The following TBX21 variants were observed in gnomAD, a reference collection of about 807,000 sequenced individuals.
TBX21 encodes the protein T-box transcription factor 21, also known as T-box transcription factor TBX21.
Under a neutral mutation model 52.2 loss-of-function variants are expected in TBX21, and 11 were observed. The ratio of observed to expected loss-of-function variants is 0.21; its 90% CI spans 0.13 to 0.35. The LOEUF is 0.35. Ranked by LOEUF, TBX21 falls within the 10% of genes least tolerant of loss-of-function variation. The pLI, the probability that TBX21 is intolerant of heterozygous loss-of-function variation, is 1.00. For synonymous variants in TBX21, 300 were observed against 316.1 expected (o/e 0.95, Z 0.54); for missense variants, 625 against 755.1 (o/e 0.83, Z 2.02).
At position 47,744,270 on chromosome 17, in the gene TBX21, G is replaced by A. The variant is rs1359510070; in HGVS notation, c.844G>A (p.Ala282Thr). The A allele has an allele frequency of 4.3e-6, 7 of 1,614,232 alleles. No individual in the cohort carries two copies. Among genetic ancestry groups the A allele is most frequent in the South Asian group, 3.3e-5 (3 of 91,090 alleles). Reference protein sequence around the residue: ...IVEVNDGEPEAACNASNTHIF... With the variant: ...IVEVNDGEPETACNASNTHIF... ...TGAGGTGAACGACGGAGAGCCAGAGGCAGCCTGCAACGCTTCCAACACGCA... is the reference window on the plus strand; with the variant it reads ...TGAGGTGAACGACGGAGAGCCAGAGACAGCCTGCAACGCTTCCAACACGCA... Residue 282 changes from alanine (A) to threonine (T), a missense_variant, in exon 4 of 6, where the codon GCA becomes ACA. By Grantham distance (58) the Ala-to-Thr change is moderately conservative. This residue lies in a region of TBX21 where 142 missense variants were observed against 258.5 expected (regional missense o/e 0.55). Transcript: ENST00000177694.
intron 3 of TBX21, 60 bp downstream of exon 3, chr17:47,743,252 C>T: frequency 1.3e-6 from 2 of 1,599,578 alleles, no homozygotes; most frequent in Non-Finnish European, 1.7e-6. Context: ...TCTGAGACCT[C>T]CAAGGCCACA....
At chr17:47,743,506 G>A (rs76275576) in intron 3 of TBX21, among the ~76,000 whole-genome samples, 1,555 of 152,240 alleles carry the variant, frequency 0.01, 23 homozygotes, top group African/African-American at 0.036. Context: ...CCATTGCTCC[G>A]GCACCATGAA....
At position 47,733,892 on chromosome 17, in the gene TBX21, G is replaced by A; in HGVS notation, c.438G>A (p.Leu146=). The A allele has an allele frequency of 6.2e-7, 1 of 1,613,708 alleles. No homozygotes were observed. Among genetic ancestry groups the A allele is most frequent in the Non-Finnish European group, 8.5e-7 (1 of 1,179,920 alleles). The change falls in exon 1 of 6, where the codon TTG becomes TTA. Residue 146 remains leucine, a synonymous_variant. Coordinates refer to ENST00000177694, the MANE Select transcript of TBX21 (RefSeq NM_013351.2). The surrounding 1 kb of genome is among the most constrained non-coding windows in gnomAD (Gnocchi z 6.6). ...KLRVALNNHL[L]WSKFNQHQTE... The stretch of plus-strand genomic sequence containing the variant: ...GGGTCGCGCTCAACAACCACCTGTT[G>A]TGGTCCAAGTTTAATCAGCACCAGA...
chr17:47,745,528 C>A lies in TBX21; in HGVS notation c.*162C>A. 3.0e-6 allele frequency: 3 copies of A among 993,656 alleles called. No homozygotes were observed. The highest frequency in any genetic ancestry group is 4.3e-6 in the Non-Finnish European group (3 of 701,752). The allele number at this position is 993,656 out of a possible 1,614,324, so 61.6% of individuals were successfully genotyped here. A position where few individuals can be genotyped will look rare whatever the true frequency, so the allele number is the denominator to read the frequency against. Reference sequence around the variant, plus strand: ...GGGGCTCAAGAAGGATTTTGGGGTTCACCAGATGCTTCCTGGCCCACGATG... The same window carrying A: ...GGGGCTCAAGAAGGATTTTGGGGTTAACCAGATGCTTCCTGGCCCACGATG... On this transcript the variant is annotated 3_prime_UTR_variant, in exon 6 of 6. Transcript: ENST00000177694.
chr17:47,733,417 G>A lies in TBX21; in HGVS notation c.-38G>A, dbSNP rs1240196664. 1.2e-5 allele frequency: 18 copies of A among 1,457,428 alleles called. No individual in the cohort carries two copies. The Admixed American group carries it at 4.9e-4, about 40-fold the overall frequency. 90.3% of individuals were successfully genotyped at this position (1,457,428 alleles called of 1,614,324 possible). ...GACCCTCTCGCGCGCGGAGGGGCGG[G>A]TCCTCGACGGCTACGGGAAGGTGCC... On this transcript the variant is annotated 5_prime_UTR_variant, in exon 1 of 6. Transcript: ENST00000177694. This position sits in a 1 kb window ranked among gnomAD's most constrained non-coding sequence, Gnocchi z 6.6.
chr17:47,739,330 A>G (rs1035382364), intron 1 of TBX21, among the ~76,000 whole-genome samples: 2 of 152,050 alleles, frequency 1.3e-5, no homozygotes, highest in African/African-American at 4.8e-5. Context: ...TAGTGATAAA[A>G]ACAGGATGAG....
chr17:47,733,552 A>G lies in TBX21; in HGVS notation c.98A>G (p.His33Arg). ...EGRAPGADPQ[H>R]RYFYPEPGAQ... Reference sequence around the variant, plus strand: ...CGGGCGCCTGGCGCCGACCCGCAGCACCGCTACTTCTACCCGGAGCCGGGC... The same window carrying G: ...CGGGCGCCTGGCGCCGACCCGCAGCGCCGCTACTTCTACCCGGAGCCGGGC... Residue 33 changes from histidine to arginine, a missense_variant, in exon 1 of 6, where the codon CAC (histidine) becomes CGC (arginine). Physicochemically the swap from His to Arg is conservative, Grantham distance 29. Coordinates refer to ENST00000177694, the MANE Select transcript of TBX21 (RefSeq NM_013351.2). This position sits in a 1 kb window ranked among gnomAD's most constrained non-coding sequence, Gnocchi z 6.6. 2 of 1,487,762 alleles carry G rather than the reference A, an allele frequency of 1.3e-6. No individual in the cohort carries two copies. The highest frequency in any genetic ancestry group is 2.9e-5 in the East Asian group (1 of 34,014). The allele number at this position is 1,487,762 out of a possible 1,614,324, so 92.2% of individuals were successfully genotyped here. A position where few individuals can be genotyped will look rare whatever the true frequency, so the allele number is the denominator to read the frequency against.
chr17:47,733,586 C>G lies in TBX21; in HGVS notation c.132C>G (p.Asp44Glu). The G allele has an allele frequency of 6.9e-7, 1 of 1,459,770 alleles. No homozygotes were observed. Among genetic ancestry groups the G allele is most frequent in the Non-Finnish European group, 9.0e-7 (1 of 1,114,166 alleles). The allele number at this position is 1,459,770 out of a possible 1,614,324, so 90.4% of individuals were successfully genotyped here. ...RYFYPEPGAQ[D>E]ADERRGGGSL... is the part of the protein sequence containing the mutation. Reference sequence around the variant, plus strand: ...TCTACCCGGAGCCGGGCGCGCAGGACGCGGACGAGCGTCGCGGGGGCGGCA... The same window carrying G: ...TCTACCCGGAGCCGGGCGCGCAGGAGGCGGACGAGCGTCGCGGGGGCGGCA... Residue 44 changes from aspartate (D) to glutamate (E), a missense_variant, in exon 1 of 6, where the codon GAC (aspartate) becomes GAG (glutamate). By Grantham distance (45) the Asp-to-Glu change is conservative (BLOSUM62 2). This residue lies in a region of TBX21 where 221 missense variants were observed against 204.9 expected (regional missense o/e 1.08). Coordinates refer to ENST00000177694, the MANE Select transcript of TBX21 (RefSeq NM_013351.2). This position sits in a 1 kb window ranked among gnomAD's most constrained non-coding sequence, Gnocchi z 6.6.
intron 1 of TBX21, among the ~76,000 whole-genome samples, chr17:47,737,112 G>A (rs1178968065): frequency 1.3e-5 from 2 of 152,194 alleles, no homozygotes; most frequent in Admixed American, 1.3e-4. Flanking sequence ...GAACAAAACG[G>A]TGGATTATCC....
rs1030585404 is a variant in TBX21, at chr17:47,742,270, C to T, written c.492-340C>T. 6.6e-6 allele frequency among the ~76,000 whole-genome samples: 1 copy of T among 151,940 alleles called. No homozygotes were observed. The highest frequency in any genetic ancestry group is 1.5e-5 in the Non-Finnish European group (1 of 67,978). ...TTGTTGTTGTACTTTTTAGTAGAGA[C>T]GGGGTTTCGCCATGTTGGCCAGGCT... On this transcript the variant is annotated intron_variant, in intron 1 of 5. Transcript: ENST00000177694. The surrounding 1 kb of genome is among the most constrained non-coding windows in gnomAD (Gnocchi z 4.4).
intron 1 of TBX21, among the ~76,000 whole-genome samples, chr17:47,739,394 G>A (rs1171803376): frequency 6.6e-6 from 1 of 151,708 alleles, no homozygotes; most frequent in Non-Finnish European, 1.5e-5. Context: ...GGGAGGCCAA[G>A]GCAGGAGGAT....
At position 47,744,773 on chromosome 17, in the gene TBX21, A is replaced by G. The variant is rs12721471; in HGVS notation, c.1015A>G (p.Ile339Val). The change falls in exon 6 of 6, where the codon ATC becomes GTC. Residue 339 changes from isoleucine to valine, a missense_variant. This residue lies in a region of TBX21 where 261 missense variants were observed against 275.1 expected (regional missense o/e 0.95). Coordinates refer to ENST00000177694, the MANE Select transcript of TBX21 (RefSeq NM_013351.2). ...CATGTACACATCTGTTGACACCAGC[A>G]TCCCCTCCCCGCCTGGACCCAACTG... ...ESMYTSVDTS[I>V]PSPPGPNCQF... is the part of the protein sequence containing the mutation. The G allele has an allele frequency of 6.0e-4, 964 of 1,613,864 alleles. 5 individuals carry two copies. The highest frequency in any genetic ancestry group is 1.4e-3 in the South Asian group (124 of 91,056).
chr17:47,742,229 C>A lies in TBX21; in HGVS notation c.492-381C>A, dbSNP rs555095903. On this transcript the variant is annotated intron_variant, in intron 1 of 5. Coordinates refer to ENST00000177694, the MANE Select transcript of TBX21 (RefSeq NM_013351.2). This position sits in a 1 kb window ranked among gnomAD's most constrained non-coding sequence, Gnocchi z 4.4. ...GGATTACAGGCGCCCACGACCACAC[C>A]CAGCTATTTTTGTTGTTGTTGTTGT... Among the ~76,000 whole-genome samples, 1 of 152,068 alleles carries A rather than the reference C, an allele frequency of 6.6e-6. No individual in the cohort carries two copies. Among genetic ancestry groups the A allele is most frequent in the South Asian group, 2.1e-4 (1 of 4,810 alleles).
intron 3 of TBX21, among the ~76,000 whole-genome samples, 172 bp from the exon 4 acceptor site, chr17:47,744,023 G>A (rs891062448): frequency 8.5e-5 from 13 of 152,286 alleles, no homozygotes; most frequent in Admixed American, 1.3e-4. Context: ...CAAAGAGTCC[G>A]GACACTGGAG....
intron 1 of TBX21, among the ~76,000 whole-genome samples, chr17:47,741,798 G>A (rs761012936): frequency 9.9e-5 from 15 of 152,154 alleles, no homozygotes; most frequent in Non-Finnish European, 1.6e-4. Context: ...ACAGGGGTGT[G>A]CAGGTAGATG....
chr17:47,743,990 G>A (rs750273539), intron 3 of TBX21, among the ~76,000 whole-genome samples: 1 of 152,180 alleles, frequency 6.6e-6, no homozygotes, highest in Non-Finnish European at 1.5e-5. Context: ...AGAAGAGGGG[G>A]CAAGAGGCTA....
At position 47,745,160 on chromosome 17, in the gene TBX21, C is replaced by T; in HGVS notation, c.1402C>T (p.Pro468Ser). Residue 468 changes from proline to serine, a missense_variant, in exon 6 of 6, where the codon CCA becomes TCA. By Grantham distance (74) the Pro-to-Ser change is moderately conservative. Coordinates refer to ENST00000177694, the MANE Select transcript of TBX21 (RefSeq NM_013351.2). ...PGPGGSEGRGPEDQGPPLVWT... is the reference protein window; with the variant it reads ...PGPGGSEGRGSEDQGPPLVWT... ...CCCTGGAGGCTCAGAGGGACGGGGA[C>T]CAGAGGACCAGGGTCCCCCCTTGGT... 6.2e-7 allele frequency: 1 copy of T among 1,614,146 alleles called. No homozygotes were observed. The highest frequency in any genetic ancestry group is 1.1e-5 in the South Asian group (1 of 91,082).
At chr17:47,744,675 G>A in intron 5 of TBX21, 73 bp from the exon 6 acceptor site, 1 of 1,597,332 alleles carries the variant, frequency 6.3e-7, no homozygotes, top group Non-Finnish European at 8.5e-7. Flanking sequence ...GAGAAGGAAT[G>A]TGTGAAACAG....
chr17:47,745,124 A>G lies in TBX21; in HGVS notation c.1366A>G (p.Met456Val), dbSNP rs777841794. 1.9e-6 allele frequency: 3 copies of G among 1,614,084 alleles called. No individual in the cohort carries two copies. Among genetic ancestry groups the G allele is most frequent in the Non-Finnish European group, 2.5e-6 (3 of 1,180,014 alleles). Reference protein sequence around the residue: ...SWFRPMRTLPMEPGPGGSEGR... With the variant: ...SWFRPMRTLPVEPGPGGSEGR... ...GTTCCGCCCTATGCGGACTCTGCCC[A>G]TGGAACCCGGCCCTGGAGGCTCAGA... The change falls in exon 6 of 6, where the codon ATG (methionine) becomes GTG (valine). Residue 456 changes from methionine (M) to valine (V), a missense_variant. Coordinates refer to ENST00000177694, the MANE Select transcript of TBX21 (RefSeq NM_013351.2).
Sources: gnomAD v4.1 joint callset for allele counts (sites outside exome capture counted in the v4.1 genomes callset) on GRCh38, gnomAD v4.1.1 for gene constraint, gnomAD v4.1.1 regional missense constraint, Gnocchi (gnomAD v3.1) non-coding constraint, MANE v1.5 for transcripts, NCBI Gene and HGNC (gene_info 2026-07-23, HGNC 2026-07-21) for gene names.